Variants in ABI3BP observed in about 807,000 individuals in gnomAD.
ABI3BP encodes ABI family member 3 binding protein.
In ABI3BP, 216 loss-of-function variants were observed where a neutral mutation model predicts 268.6. The ratio of observed to expected loss-of-function variants is 0.80; its 90% CI spans 0.72 to 0.90. ABI3BP has a LOEUF of 0.90. Among genes scored for constraint, ABI3BP ranks in the 40% least tolerant of loss-of-function variants. ABI3BP has a pLI of 0.00. For synonymous variants in ABI3BP, 730 were observed against 730.0 expected (o/e 1.00, Z 0.00); for missense variants, 2,090 against 2,182.4 (o/e 0.96, Z 0.84).
At chr3:100,809,176 A>G (rs2097786257) in intron 49 of ABI3BP, among the ~76,000 whole-genome samples, 1 of 152,072 alleles carries the variant, frequency 6.6e-6, no homozygotes, top group African/African-American at 2.4e-5. Context: ...GACCTGGTTT[A>G]GAAGCCTGGA....
intron 62 of ABI3BP, among the ~76,000 whole-genome samples, chr3:100,767,506 T>G (rs2096333596): frequency 1.3e-5 from 2 of 151,932 alleles, no homozygotes; most frequent in African/African-American, 4.8e-5. Flanking sequence ...AATTCTGAAT[T>G]AAAATCTGTC....
At chr3:100,755,805 A>G (rs1032831) in intron 63 of ABI3BP, among the ~76,000 whole-genome samples, 144,736 of 152,272 alleles carry the variant, frequency 0.95, 69,207 homozygotes, top group East Asian at 1. Flanking sequence ...TGAGTCAGCT[A>G]ATAATATTTT....
chr3:100,809,634 A>G (rs924492022), intron 49 of ABI3BP, among the ~76,000 whole-genome samples: 1 of 152,098 alleles, frequency 6.6e-6, no homozygotes, highest in African/African-American at 2.4e-5. Context: ...TAGGATATTC[A>G]GCAGACAATG....
intron 1 of ABI3BP, among the ~76,000 whole-genome samples, chr3:100,988,167 C>A (rs929922651): frequency 1.3e-5 from 2 of 152,272 alleles, no homozygotes; most frequent in East Asian, 1.9e-4. Flanking sequence ...TAAGCATCAA[C>A]CACCTCTTGG....
chr3:100,768,354 C>T (rs572394629), intron 62 of ABI3BP, among the ~76,000 whole-genome samples: 56 of 152,270 alleles, frequency 3.7e-4, no homozygotes, highest in African/African-American at 1.3e-3. Flanking sequence ...TCCCAGAGTG[C>T]TGGGATTACA....
intron 2 of ABI3BP, among the ~76,000 whole-genome samples, chr3:100,914,933 AATGCTATTAAAAGC>A (rs1331817853): frequency 2.6e-5 from 4 of 152,174 alleles, no homozygotes; most frequent in African/African-American, 9.6e-5. Flanking sequence ...TTGGGGAGGC[AATGCTATTAAAAGC>A]ATGCATTTCA....
At chr3:100,975,496 T>C (rs1440149349) in intron 1 of ABI3BP, among the ~76,000 whole-genome samples, 1 of 152,056 alleles carries the variant, frequency 6.6e-6, no homozygotes, top group Non-Finnish European at 1.5e-5. Flanking sequence ...CTAGTCACAG[T>C]TGTGACATTT....
chr3:100,868,239 G>T (rs1187762603), intron 9 of ABI3BP, among the ~76,000 whole-genome samples: 2 of 152,096 alleles, frequency 1.3e-5, no homozygotes, highest in Non-Finnish European at 2.9e-5. Flanking sequence ...TTTTGTATGG[G>T]TGGCTGGCCT....
chr3:100,865,325 C>A (rs1333560957), intron 10 of ABI3BP, among the ~76,000 whole-genome samples: 4 of 152,040 alleles, frequency 2.6e-5, no homozygotes, highest in Admixed American at 1.3e-4. Context: ...AATAAATGGG[C>A]AAATGAAAGG....
At chr3:100,770,159 G>A (rs1448293178) in intron 62 of ABI3BP, among the ~76,000 whole-genome samples, 1 of 152,032 alleles carries the variant, frequency 6.6e-6, no homozygotes, top group Non-Finnish European at 1.5e-5. Context: ...TCCTCCTCTC[G>A]TTTGACTATC....
Position 100,753,849 on chromosome 3 carries a change from C to T in ABI3BP, c.4931-1G>A. 6.2e-7 allele frequency: 1 copy of T among 1,609,228 alleles called. No individual in the cohort carries two copies. The highest frequency in any genetic ancestry group is 8.5e-7 in the Non-Finnish European group (1 of 1,177,890). On this transcript the variant is annotated splice_acceptor_variant, in intron 64 of 67. Transcript: ENST00000471714. LOFTEE classifies it high-confidence loss of function. Reference sequence around the variant, plus strand: ...ACTGGCTCACTCACTCTTGGGTCCGCTGAGGAGAAATAAATAGAAAAGTCA... The same window carrying T: ...ACTGGCTCACTCACTCTTGGGTCCGTTGAGGAGAAATAAATAGAAAAGTCA...
intron 1 of ABI3BP, among the ~76,000 whole-genome samples, chr3:100,967,706 G>A (rs1440728434): frequency 6.6e-6 from 1 of 151,914 alleles, no homozygotes; most frequent in Admixed American, 6.6e-5. Context: ...ATTCAATAAG[G>A]TAGAATAATT....
At position 100,754,703 on chromosome 3, in the gene ABI3BP, A is replaced by C. The variant is rs2095522992; in HGVS notation, c.4851-12T>G. 1.9e-6 allele frequency: 3 copies of C among 1,560,804 alleles called. No homozygotes were observed. Among genetic ancestry groups the C allele is most frequent in the Non-Finnish European group, 2.6e-6 (3 of 1,149,582 alleles). On this transcript the variant is annotated splice_polypyrimidine_tract_variant and intron_variant, in intron 63 of 67. Coordinates refer to ENST00000471714, the MANE Select transcript of ABI3BP (RefSeq NM_001375547.2). ...CCTGGAATTCATAACTGTTTAGGGG[A>C]AAATAAAAAAATACTTGTAATACAT...
At chr3:100,753,922 A>G (rs1320884411) in intron 64 of ABI3BP, 74 bp from the exon 65 acceptor site, 1 of 1,428,222 alleles carries the variant, frequency 7.0e-7, no homozygotes, top group Admixed American at 1.9e-5. Context: ...GGTGAAGATG[A>G]TGGGGGCTTA....
chr3:100,902,593 A>G (rs780493790), intron 3 of ABI3BP, 25 bp downstream of exon 3: 2 of 1,609,800 alleles, frequency 1.2e-6, no homozygotes, highest in Non-Finnish European at 1.7e-6. Flanking sequence ...ATAAAAGAAA[A>G]AGAATTCAAT....
At chr3:100,865,470 C>T (rs1020659304) in intron 10 of ABI3BP, among the ~76,000 whole-genome samples, 1 of 152,030 alleles carries the variant, frequency 6.6e-6, no homozygotes, top group Non-Finnish European at 1.5e-5. Context: ...CAGATTTGTC[C>T]CAAATGCTAG....
intron 65 of ABI3BP, among the ~76,000 whole-genome samples, chr3:100,753,400 C>G (rs1344942962): frequency 6.6e-6 from 1 of 151,954 alleles, no homozygotes; most frequent in Non-Finnish European, 1.5e-5. Context: ...AACATCCCAC[C>G]TCAGCCTCCC....
chr3:100,774,798 T>A (rs2096654390), intron 60 of ABI3BP, 125 bp from the exon 61 acceptor site: 1 of 765,884 alleles, frequency 1.3e-6, no homozygotes, highest in Non-Finnish European at 2.0e-6. Context: ...TTTGATTTTT[T>A]AAAATTATAC....
At chr3:100,823,615 G>GAAAAA in intron 36 of ABI3BP, 101 bp from the exon 37 acceptor site, 8 of 800,208 alleles carry the variant, frequency 1.0e-5, no homozygotes, top group South Asian at 3.8e-5. Context: ...TTCTTCCAGA[G>GAAAAA]AAACAAAAAA....
Sources: allele counts gnomAD v4.1 joint callset (sites outside exome capture counted in the v4.1 genomes callset), GRCh38; gene constraint gnomAD v4.1.1; transcripts MANE v1.5; gene names NCBI Gene and HGNC (gene_info 2026-07-23, HGNC 2026-07-21).